Variants in TAFA5 observed in about 807,000 individuals in gnomAD.
The protein encoded by TAFA5 is TAFA chemokine like family member 5.
A neutral mutation model predicts 15.3 loss-of-function variants in TAFA5; 6 were observed. The observed-to-expected ratio is 0.39, with a 90% CI of 0.21 to 0.77. The LOEUF is 0.77. TAFA5 is among the 30% of genes least tolerant of loss of function. The pLI is 0.41. For missense variants in TAFA5, 161 were observed against 193.1 expected, an observed-to-expected ratio of 0.83 and a Z score of 0.98; for synonymous variants, 103 against 80.7, an observed-to-expected ratio of 1.28 and a Z score of -1.48.
chr22:48,684,510 C>G (rs980282336), intron 2 of TAFA5, among the ~76,000 whole-genome samples: 3 of 152,152 alleles, frequency 2.0e-5, no homozygotes, highest in African/African-American at 7.2e-5. Context: ...GCTGGACACC[C>G]AGGACTCAGG....
At chr22:48,595,351 G>A (rs1039438043) in intron 1 of TAFA5, among the ~76,000 whole-genome samples, 2 of 152,226 alleles carry the variant, frequency 1.3e-5, no homozygotes, top group African/African-American at 4.8e-5. Flanking sequence ...GTCAGTGGGG[G>A]TGTGGTTGTG....
chr22:48,716,991 G>T (rs1929420259), intron 3 of TAFA5, among the ~76,000 whole-genome samples: 1 of 152,200 alleles, frequency 6.6e-6, no homozygotes, highest in African/African-American at 2.4e-5. Context: ...AGCAGAAAAT[G>T]AAGAAGAAAT....
chr22:48,630,301 A>T (rs1926171749), intron 1 of TAFA5, among the ~76,000 whole-genome samples: 1 of 151,944 alleles, frequency 6.6e-6, no homozygotes, highest in Non-Finnish European at 1.5e-5. Context: ...TTACTCCCTG[A>T]CCCTGGCACT....
At chr22:48,689,214 C>A (rs1928461594) in intron 2 of TAFA5, among the ~76,000 whole-genome samples, 1 of 152,106 alleles carries the variant, frequency 6.6e-6, no homozygotes, top group Admixed American at 6.6e-5. Flanking sequence ...CGCGTGGAAC[C>A]CTTCCTCTGG....
At position 48,707,774 on chromosome 22, in the gene TAFA5, G is replaced by C. The variant is rs761080122; in HGVS notation, c.320G>C (p.Gly107Ala). 6.2e-6 allele frequency: 10 copies of C among 1,613,832 alleles called. No individual in the cohort carries two copies. Among genetic ancestry groups the C allele is most frequent in the Admixed American group, 3.3e-5 (2 of 60,010 alleles). The change falls in exon 3 of 4, where the codon GGC (glycine) becomes GCC (alanine). Residue 107 changes from glycine to alanine, a missense_variant. Gly to Ala is a moderately conservative substitution (Grantham distance 60, BLOSUM62 0). Transcript: ENST00000402357. The stretch of plus-strand genomic sequence containing the variant: ...ATGCTTCCGTGTCTGGAGGGGGAAG[G>C]CTGCGACTTGTTAATCAACCGGTCA... ...CDMLPCLEGE[G>A]CDLLINRSGW... is the part of the protein sequence containing the mutation.
chr22:48,646,317 G>A (rs1228427583), intron 1 of TAFA5, among the ~76,000 whole-genome samples: 1 of 152,182 alleles, frequency 6.6e-6, no homozygotes, highest in African/African-American at 2.4e-5. Context: ...GATAAAGATG[G>A]GGCTGTGTTT....
At chr22:48,681,000 C>T (rs1928166242) in intron 2 of TAFA5, among the ~76,000 whole-genome samples, 3 of 152,260 alleles carry the variant, frequency 2.0e-5, no homozygotes, top group Admixed American at 1.3e-4. Flanking sequence ...CGCTGGAAAC[C>T]TCAGACATGT....
chr22:48,625,706 T>C (rs1926005239), intron 1 of TAFA5, among the ~76,000 whole-genome samples: 1 of 152,204 alleles, frequency 6.6e-6, no homozygotes, highest in Non-Finnish European at 1.5e-5. Context: ...TAGTAAATGA[T>C]ATTTTAGATT....
chr22:48,497,279 G>A (rs545303324), intron 1 of TAFA5, among the ~76,000 whole-genome samples: 1 of 152,206 alleles, frequency 6.6e-6, no homozygotes, highest in East Asian at 1.9e-4. Context: ...AGAAGCCGGG[G>A]CCTGCGGTCC....
At chr22:48,731,432 G>T (rs974915279) in intron 3 of TAFA5, among the ~76,000 whole-genome samples, 5 of 152,210 alleles carry the variant, frequency 3.3e-5, no homozygotes, top group African/African-American at 1.2e-4. Flanking sequence ...GCAAGAAGAC[G>T]CCCACTGTGG....
At chr22:48,674,887 G>A (rs989880130) in intron 2 of TAFA5, among the ~76,000 whole-genome samples, 14 of 152,010 alleles carry the variant, frequency 9.2e-5, no homozygotes, top group East Asian at 1.9e-4. Flanking sequence ...TGACAGAGAC[G>A]AGGCTGAGAT....
intron 2 of TAFA5, among the ~76,000 whole-genome samples, chr22:48,671,682 A>G (rs1326031032): frequency 6.6e-6 from 1 of 152,140 alleles, no homozygotes; most frequent in Non-Finnish European, 1.5e-5. Flanking sequence ...CCAGGGCCTA[A>G]TGAGACCTTC....
chr22:48,707,997 C>G (rs1035819921), intron 3 of TAFA5, among the ~76,000 whole-genome samples, 153 bp downstream of exon 3: 2 of 152,178 alleles, frequency 1.3e-5, no homozygotes, highest in Non-Finnish European at 2.9e-5. Flanking sequence ...CCCCACCTCC[C>G]TCTCTGGTGC....
chr22:48,691,378 T>G (rs1444176296), intron 2 of TAFA5, among the ~76,000 whole-genome samples: 3 of 152,194 alleles, frequency 2.0e-5, no homozygotes, highest in African/African-American at 7.2e-5. Flanking sequence ...GGTATCGTCA[T>G]CCTCCCGGTC....
intron 2 of TAFA5, among the ~76,000 whole-genome samples, chr22:48,675,932 T>A (rs130093): frequency 0.89 from 135,372 of 152,328 alleles, 60,442 homozygotes; most frequent in East Asian, 1. Context: ...CACAGGTGCC[T>A]CATTTGCCCT....
At chr22:48,540,303 G>C (rs915080683) in intron 1 of TAFA5, among the ~76,000 whole-genome samples, 1 of 152,130 alleles carries the variant, frequency 6.6e-6, no homozygotes, top group East Asian at 1.9e-4. Flanking sequence ...CAGGGCGGTG[G>C]GGGGAGGTGG....
intron 2 of TAFA5, among the ~76,000 whole-genome samples, chr22:48,658,598 C>T (rs1927328738): frequency 6.6e-6 from 1 of 152,212 alleles, no homozygotes; most frequent in African/African-American, 2.4e-5. Flanking sequence ...TGTACAAACA[C>T]CCACCCAGGG....
intron 1 of TAFA5, among the ~76,000 whole-genome samples, chr22:48,508,955 T>C (rs1010932450): frequency 6.6e-6 from 1 of 152,204 alleles, no homozygotes; most frequent in African/African-American, 2.4e-5. Context: ...CTAGCCAACC[T>C]CTCCCTAGCC....
chr22:48,666,270 C>T (rs1322353528), intron 2 of TAFA5, among the ~76,000 whole-genome samples: 2 of 152,182 alleles, frequency 1.3e-5, no homozygotes, highest in East Asian at 3.9e-4. Flanking sequence ...ATTATCCCAG[C>T]CGAGAAATGA....
Sources: gnomAD v4.1 joint callset for allele counts (sites outside exome capture counted in the v4.1 genomes callset) on GRCh38, gnomAD v4.1.1 for gene constraint, MANE v1.5 for transcripts, NCBI Gene and HGNC (gene_info 2026-07-23, HGNC 2026-07-21) for gene names.